The following PKIB variants were observed in gnomAD, a reference collection of about 807,000 sequenced individuals.
PKIB encodes PKI-beta.
A neutral mutation model predicts 4.5 loss-of-function variants in PKIB; 2 were observed. The ratio of observed to expected loss-of-function variants is 0.44; its 90% CI spans 0.18 to 1.39. PKIB has a LOEUF of 1.39. Among genes scored for constraint, PKIB ranks in the 40% most tolerant of loss-of-function variants. The pLI is 0.27. For missense variants in PKIB, 94 were observed against 92.6 expected (o/e 1.02, Z -0.06); for synonymous variants, 38 against 36.0 (o/e 1.06, Z -0.20).
intron 2 of PKIB, chr6:122,484,131 T>G (rs943703902): frequency 6.6e-6 from 1 of 151,752 alleles, no homozygotes; most frequent in Non-Finnish European, 1.5e-5. Flanking sequence ...TGGTTGTGCC[T>G]TCCATATTTT....
chr6:122,576,017 A>T (rs1033636913), intron 2 of PKIB, among the ~76,000 whole-genome samples: 2 of 152,232 alleles, frequency 1.3e-5, no homozygotes, highest in African/African-American at 4.8e-5. Flanking sequence ...TGTCATTTAT[A>T]TGAAACTCTA....
intron 2 of PKIB, among the ~76,000 whole-genome samples, chr6:122,561,988 G>GTTTTTTTTTTTTTT (rs796363707): frequency 8.2e-5 from 2 of 24,274 alleles, no homozygotes; most frequent in African/African-American, 1.6e-4. Flanking sequence ...TTTTTTGTTT[G>GTTTTTTTTTTTTTT]TTTTTGTTTT....
chr6:122,643,962 G>A (rs1403294449), intron 2 of PKIB: 1 of 152,016 alleles, frequency 6.6e-6, no homozygotes, highest in Non-Finnish European at 1.5e-5. Flanking sequence ...TGTGGGTATG[G>A]TTGCTGTAGT....
chr6:122,680,077 A>G (rs1197966124), intron 3 of PKIB, among the ~76,000 whole-genome samples: 1 of 152,238 alleles, frequency 6.6e-6, no homozygotes, highest in African/African-American at 2.4e-5. Flanking sequence ...ATGGATTGTT[A>G]AATAGAACAC....
chr6:122,557,699 C>T (rs1462551520), intron 2 of PKIB, among the ~76,000 whole-genome samples: 2 of 152,166 alleles, frequency 1.3e-5, no homozygotes, highest in African/African-American at 4.8e-5. Flanking sequence ...AGATAACTTC[C>T]CATAGACCTC....
intron 2 of PKIB, among the ~76,000 whole-genome samples, chr6:122,571,136 C>T (rs145369994): frequency 1.8e-4 from 27 of 151,744 alleles, no homozygotes; most frequent in African/African-American, 6.3e-4. Context: ...GACAAGAACA[C>T]GTAGAATAAA....
intron 2 of PKIB, among the ~76,000 whole-genome samples, chr6:122,535,166 T>C (rs2114624628): frequency 6.6e-6 from 1 of 152,240 alleles, no homozygotes; most frequent in Non-Finnish European, 1.5e-5. Context: ...ACAAGTTTGG[T>C]CTTTGTAAAA....
At chr6:122,623,697 C>T (rs1411236029) in intron 1 of PKIB, among the ~76,000 whole-genome samples, 1 of 152,118 alleles carries the variant, frequency 6.6e-6, no homozygotes, top group Admixed American at 6.6e-5. Context: ...AAGCCTTGCA[C>T]CCAGACACTT....
chr6:122,660,604 C>T (rs570953151), intron 2 of PKIB, among the ~76,000 whole-genome samples: 1 of 152,156 alleles, frequency 6.6e-6, no homozygotes, highest in Non-Finnish European at 1.5e-5. Flanking sequence ...TAAATAAGCA[C>T]ATGGCTACTT....
At chr6:122,585,682 A>G (rs1160622261) in intron 2 of PKIB, 1 of 152,172 alleles carries the variant, frequency 6.6e-6, no homozygotes, top group East Asian at 1.9e-4. Flanking sequence ...TATTGAAAAA[A>G]CAATAGTTAA....
At chr6:122,711,723 G>C (rs1257320948) in intron 3 of PKIB, among the ~76,000 whole-genome samples, 1 of 152,122 alleles carries the variant, frequency 6.6e-6, no homozygotes, top group African/African-American at 2.4e-5. Flanking sequence ...CCTTATGTTA[G>C]TATAAGAAGT....
chr6:122,475,808 TAATC>T (rs1456193259), intron 1 of PKIB, among the ~76,000 whole-genome samples: 1 of 151,846 alleles, frequency 6.6e-6, no homozygotes, highest in Non-Finnish European at 1.5e-5. Context: ...TAAAAATAAA[TAATC>T]AATCCATAAG....
chr6:122,677,952 G>A (rs1777751903), intron 3 of PKIB, among the ~76,000 whole-genome samples: 1 of 151,518 alleles, frequency 6.6e-6, no homozygotes, highest in African/African-American at 2.4e-5. Context: ...CTGTCGCCCA[G>A]GCTGGAGTGC....
At chr6:122,557,194 G>C (rs944988044) in intron 2 of PKIB, among the ~76,000 whole-genome samples, 3 of 152,130 alleles carry the variant, frequency 2.0e-5, no homozygotes, top group Admixed American at 2.0e-4. Flanking sequence ...CTGGGCAAAA[G>C]AGAAAAACTT....
At chr6:122,625,089 G>A (rs941270824) in intron 1 of PKIB, among the ~76,000 whole-genome samples, 5 of 152,140 alleles carry the variant, frequency 3.3e-5, no homozygotes, top group African/African-American at 9.7e-5. Context: ...CAATGCAGAT[G>A]TTACCTTTTT....
At chr6:122,693,940 G>T (rs964464407) in intron 3 of PKIB, among the ~76,000 whole-genome samples, 2 of 152,184 alleles carry the variant, frequency 1.3e-5, no homozygotes. Context: ...CAGGTATTGA[G>T]AAACTTAATT....
At chr6:122,543,347 AC>A (rs1430098185) in intron 2 of PKIB, among the ~76,000 whole-genome samples, 1 of 133,654 alleles carries the variant, frequency 7.5e-6, no homozygotes, top group East Asian at 2.2e-4. Context: ...TCTTGGCCCC[AC>A]CCCCTCCTTT....
At chr6:122,532,723 C>T (rs1196310815) in intron 2 of PKIB, among the ~76,000 whole-genome samples, 2 of 152,130 alleles carry the variant, frequency 1.3e-5, no homozygotes, top group Non-Finnish European at 2.9e-5. Flanking sequence ...TGGATAATAT[C>T]CCATTGTATT....
At chr6:122,657,772 C>T (rs1030866161) in intron 2 of PKIB, among the ~76,000 whole-genome samples, 3 of 152,230 alleles carry the variant, frequency 2.0e-5, no homozygotes, top group Non-Finnish European at 4.4e-5. Flanking sequence ...AATTTAAACA[C>T]TGGCTTTCAG....
Sources: gnomAD v4.1 joint callset for allele counts (sites outside exome capture counted in the v4.1 genomes callset) on GRCh38, gnomAD v4.1.1 for gene constraint, MANE v1.5 for transcripts, NCBI Gene and HGNC (gene_info 2026-07-23, HGNC 2026-07-21) for gene names.